The following MON2 variants were observed in gnomAD, a reference collection of about 807,000 sequenced individuals.
The protein encoded by MON2 is MON2 regulator of endosome-to-Golgi trafficking, also known as protein MON2 homolog.
Under a neutral mutation model 208.6 loss-of-function variants are expected in MON2, and 84 were observed. That is an observed-to-expected ratio of 0.40 (90% CI 0.34 to 0.48). The LOEUF (loss-of-function observed/expected upper bound fraction) is 0.48, where lower values mean the gene tolerates loss of function less well. MON2 is among the 20% of genes least tolerant of loss of function. The pLI, the probability that MON2 is intolerant of heterozygous loss-of-function variation, is 0.59. For missense variants in MON2, 1,611 were observed against 2,015.4 expected, an observed-to-expected ratio of 0.80 and a Z score of 3.84; for synonymous variants, 660 against 694.0, an observed-to-expected ratio of 0.95 and a Z score of 0.77.
intron 24 of MON2, 117 bp from the exon 25 acceptor site, chr12:62,555,877 T>G: frequency 1.4e-6 from 1 of 739,514 alleles, no homozygotes; most frequent in Non-Finnish European, 2.2e-6. Flanking sequence ...TAGGGATTGA[T>G]AAGACTGTCA....
rs2136526629 is a variant in MON2 at position 62,593,543 on chromosome 12, G to A, written c.*794G>A. ...GCTGATTTTGGAGCTTTGAAATATA[G>A]GTTCTTAATACATTGATACATATTG... On this transcript the variant is annotated 3_prime_UTR_variant, in exon 35 of 35. Transcript: ENST00000393630. The A allele has an allele frequency of 6.6e-6, 1 of 152,580 alleles. No homozygotes were observed. Among genetic ancestry groups the A allele is most frequent in the Non-Finnish European group, 1.5e-5 (1 of 67,948 alleles). 9.5% of individuals were successfully genotyped at this position (152,580 alleles called of 1,614,324 possible).
At position 62,532,574 on chromosome 12, in the gene MON2, G is replaced by C; in HGVS notation, c.1537G>C (p.Glu513Gln). ...AGGAGAGCTAGGAGAGCTTGAAACA[G>C]AATGTCAAACCACCACTGAAGAAGG... The part of the protein sequence containing the change: ...IEGELGELET[E>Q]CQTTTEEGSS... Residue 513 changes from glutamate to glutamine, a missense_variant, in exon 12 of 35, where the codon GAA becomes CAA. Transcript: ENST00000393630. 6.2e-7 allele frequency: 1 copy of C among 1,614,118 alleles called. No homozygotes were observed.
chr12:62,497,657 T>G (rs1306526746), intron 4 of MON2, among the ~76,000 whole-genome samples: 3 of 152,098 alleles, frequency 2.0e-5, no homozygotes, highest in Non-Finnish European at 4.4e-5. Context: ...CTCTGTTGCC[T>G]GGGCTGGAGT....
intron 1 of MON2, among the ~76,000 whole-genome samples, chr12:62,478,032 C>G (rs2069188568): frequency 6.6e-6 from 1 of 152,140 alleles, no homozygotes; most frequent in African/African-American, 2.4e-5. Context: ...ATCAGACTTC[C>G]TCTGCATGTT....
At position 62,571,409 on chromosome 12, in the gene MON2, C is replaced by T. The variant is rs1418838547; in HGVS notation, c.4341C>T (p.Leu1447=). 3.7e-6 allele frequency: 6 copies of T among 1,606,154 alleles called. No homozygotes were observed. The highest frequency in any genetic ancestry group is 5.1e-6 in the Non-Finnish European group (6 of 1,174,914). ...ATTTTCAGACTCTTAGGGTTCCTCTCAGTTTGAAGTATTCCTGCCCTTCTG... is the reference window on the plus strand; with the variant it reads ...ATTTTCAGACTCTTAGGGTTCCTCTTAGTTTGAAGTATTCCTGCCCTTCTG... The part of the protein sequence containing the change: ...QNIIKTLRVP[L]SLKYSCPSES... The change falls in exon 30 of 35, where the codon CTC becomes CTT. Residue 1447 remains leucine (L), a synonymous_variant. Transcript: ENST00000393630.
intron 30 of MON2, among the ~76,000 whole-genome samples, chr12:62,573,423 C>G (rs2074670674): frequency 7.4e-6 from 1 of 135,262 alleles, no homozygotes; most frequent in South Asian, 2.4e-4. Context: ...ATGAGTAAAA[C>G]TTCTTTAAGT....
intron 29 of MON2, among the ~76,000 whole-genome samples, chr12:62,568,825 G>C (rs2074481631): frequency 6.6e-6 from 1 of 151,934 alleles, no homozygotes; most frequent in Admixed American, 6.6e-5. Flanking sequence ...GCTAATTTTT[G>C]TATTTTTAGT....
rs2136093612 is a variant in MON2 at position 62,503,956 on chromosome 12, T to G, written c.789+2258T>G. On this transcript the variant is annotated intron_variant, in intron 7 of 34. Transcript: ENST00000393630. ...TTTGTAGCACTTATCACCTCCTGCC[T>G]GACACACACACACACGTATATGTGT... Among the ~76,000 whole-genome samples, 2 of 147,742 alleles carry G rather than the reference T, an allele frequency of 1.4e-5. 1 individual carries two copies. The highest frequency in any genetic ancestry group is 4.2e-4 in the South Asian group (2 of 4,738).
intron 32 of MON2, 149 bp from the exon 33 acceptor site, chr12:62,585,145 A>C: frequency 5.3e-6 from 3 of 567,296 alleles, no homozygotes; most frequent in Admixed American, 3.1e-5. Context: ...ACACATTTTC[A>C]CTATATGTAT....
intron 8 of MON2, chr12:62,508,890 A>G (rs1290684868): frequency 6.2e-6 from 1 of 160,924 alleles, no homozygotes; most frequent in East Asian, 1.8e-4. Context: ...AAGATTAGAA[A>G]CCAATTATTT....
chr12:62,592,551 C>T, intron 34 of MON2, 35 bp from the exon 35 acceptor site: 2 of 1,520,754 alleles, frequency 1.3e-6, no homozygotes, highest in Admixed American at 1.7e-5. Context: ...CTATTTAATT[C>T]CACCCTTTTG....
chr12:62,501,516 A>G, intron 6 of MON2, 57 bp from the exon 7 acceptor site: 3 of 1,584,440 alleles, frequency 1.9e-6, no homozygotes, highest in Non-Finnish European at 2.6e-6. Context: ...ATGAACTGCG[A>G]GTTTGGAAAA....
At chr12:62,581,103 A>G (rs1357739316) in intron 32 of MON2, among the ~76,000 whole-genome samples, 2 of 152,230 alleles carry the variant, frequency 1.3e-5, no homozygotes, top group African/African-American at 2.4e-5. Flanking sequence ...ATTGCTCACA[A>G]TCTTAGGGCT....
chr12:62,534,782 A>G, intron 12 of MON2, 63 bp from the exon 13 acceptor site: 4 of 1,187,142 alleles, frequency 3.4e-6, no homozygotes, highest in Non-Finnish European at 4.9e-6. Flanking sequence ...AGAATTTCAC[A>G]TATTAATACA....
intron 8 of MON2, among the ~76,000 whole-genome samples, chr12:62,510,367 T>C (rs1055782991): frequency 6.6e-6 from 1 of 151,964 alleles, no homozygotes; most frequent in East Asian, 1.9e-4. Flanking sequence ...CTGATAAATA[T>C]TGATTAAAAA....
At chr12:62,486,886 T>C (rs1403001519) in intron 2 of MON2, among the ~76,000 whole-genome samples, 1 of 152,124 alleles carries the variant, frequency 6.6e-6, no homozygotes, top group Non-Finnish European at 1.5e-5. Context: ...TAAAGATTTG[T>C]TGTAAGAATG....
chr12:62,522,311 C>T (rs2072087359), intron 8 of MON2, among the ~76,000 whole-genome samples: 1 of 152,208 alleles, frequency 6.6e-6, no homozygotes. Context: ...AGACATTTCT[C>T]TAACAAAAGA....
chr12:62,469,533 A>T (rs1018023550), intron 1 of MON2, among the ~76,000 whole-genome samples: 1 of 152,186 alleles, frequency 6.6e-6, no homozygotes, highest in Non-Finnish European at 1.5e-5. Flanking sequence ...TTCTTACCCA[A>T]TGACACTGGG....
intron 25 of MON2, among the ~76,000 whole-genome samples, chr12:62,556,451 A>G (rs1192234832): frequency 6.6e-6 from 1 of 152,166 alleles, no homozygotes; most frequent in Non-Finnish European, 1.5e-5. Flanking sequence ...AATTTCTACA[A>G]TGATGTGTTA....
Sources: gnomAD v4.1 joint callset for allele counts (sites outside exome capture counted in the v4.1 genomes callset) on GRCh38, gnomAD v4.1.1 for gene constraint, MANE v1.5 for transcripts, NCBI Gene and HGNC (gene_info 2026-07-23, HGNC 2026-07-21) for gene names.